The following INTU variants were observed in gnomAD, a reference collection of about 807,000 sequenced individuals.
INTU encodes protein inturned.
Under a neutral mutation model 100.5 loss-of-function variants are expected in INTU, and 68 were observed. That is an observed-to-expected ratio of 0.68 (90% confidence interval 0.56 to 0.83). INTU has a LOEUF of 0.83. Ranked by LOEUF, INTU falls within the 40% of genes least tolerant of loss-of-function variation. INTU has a pLI of 0.00. For synonymous variants in INTU, 357 were observed against 395.7 expected (o/e 0.90, Z 1.16); for missense variants, 1,071 against 1,114.7 (o/e 0.96, Z 0.56).
chr4:127,680,509 G>T (rs1358700678), intron 6 of INTU, among the ~76,000 whole-genome samples: 1 of 117,454 alleles, frequency 8.5e-6, no homozygotes, highest in Non-Finnish European at 1.8e-5. Flanking sequence ...AAAACCACAT[G>T]ATTATCTCAA....
chr4:127,682,988 G>C (rs1457867859), intron 6 of INTU, among the ~76,000 whole-genome samples: 2 of 152,096 alleles, frequency 1.3e-5, no homozygotes, highest in East Asian at 1.9e-4. Context: ...CTGAGCAAAG[G>C]CTGTTCAACC....
intron 2 of INTU, among the ~76,000 whole-genome samples, chr4:127,644,441 A>T (rs576899405): frequency 1.8e-4 from 27 of 152,244 alleles, no homozygotes; most frequent in Non-Finnish European, 3.7e-4. Context: ...TAATTTATGA[A>T]TAAAAATACT....
intron 12 of INTU, among the ~76,000 whole-genome samples, chr4:127,707,645 G>C (rs1362469766): frequency 3.3e-5 from 5 of 149,812 alleles, no homozygotes; most frequent in Admixed American, 6.7e-5. Context: ...TTGTGTGTCT[G>C]TGTGTGTGTG....
intron 2 of INTU, among the ~76,000 whole-genome samples, chr4:127,654,735 C>A (rs1314916794): frequency 6.8e-6 from 1 of 146,484 alleles, no homozygotes; most frequent in African/African-American, 2.6e-5. Context: ...ATCTTTGTGG[C>A]CTTCTCTGTA....
intron 8 of INTU, among the ~76,000 whole-genome samples, chr4:127,696,369 T>G (rs1730383386): frequency 5.3e-5 from 8 of 152,196 alleles, no homozygotes. Context: ...TTGATTCAAT[T>G]TCTTTAATAA....
chr4:127,709,583 T>A (rs972544199), intron 13 of INTU, among the ~76,000 whole-genome samples: 1 of 152,216 alleles, frequency 6.6e-6, no homozygotes, highest in Admixed American at 6.5e-5. Flanking sequence ...TGTGCACTTA[T>A]GTGGTGACAC....
rs758686326 is a variant in INTU at position 127,711,084 on chromosome 4, A to G, written c.2541A>G (p.Gln847=). ...GTCTTTCCATTCGTGCAGTTTTCCAACAGACATTGGTGGAAGAGGTAGGGC... is the reference window on the plus strand; with the variant it reads ...GTCTTTCCATTCGTGCAGTTTTCCAGCAGACATTGGTGGAAGAGGTAGGGC... ...QCCLSIRAVF[Q]QTLVEEKKKG... The change falls in exon 14 of 16, where the codon CAA becomes CAG. Residue 847 remains glutamine (Q), a synonymous_variant. Transcript: ENST00000335251. The G allele has an allele frequency of 2.5e-6, 4 of 1,591,648 alleles. No homozygotes were observed. Among genetic ancestry groups the G allele is most frequent in the East Asian group, 4.5e-5 (2 of 44,370 alleles).
chr4:127,641,409 G>A (rs1361002297), intron 1 of INTU, among the ~76,000 whole-genome samples: 4 of 152,106 alleles, frequency 2.6e-5, no homozygotes, highest in Non-Finnish European at 4.4e-5. Context: ...GTGGTTGTCC[G>A]TCTAGGCCAT....
rs1482944275 is a variant in INTU at position 127,722,991 on chromosome 4, C to T, written c.*6555C>T. ...CCGGAGTATGCAAATACTCCAGTGT[C>T]TCAGTGCCTGCTCAAAGCGGCTGCC... is the stretch of plus-strand genomic sequence containing the variant. On this transcript the variant is annotated 3_prime_UTR_variant, in exon 16 of 16. Transcript: ENST00000335251. 4 of 152,242 alleles carry T rather than the reference C, an allele frequency of 2.6e-5. No homozygotes were observed. Among genetic ancestry groups the T allele is most frequent in the Non-Finnish European group, 5.9e-5 (4 of 68,090 alleles). 9.4% of individuals were successfully genotyped at this position (152,242 alleles called of 1,614,324 possible).
At chr4:127,644,121 G>A (rs1231945117) in intron 2 of INTU, 65 bp downstream of exon 2, 19 of 1,493,332 alleles carry the variant, frequency 1.3e-5, no homozygotes, top group Middle Eastern at 1.8e-4. Flanking sequence ...GACACCTTGC[G>A]GGAAATGTGA....
chr4:127,642,388 C>T (rs1484665324), intron 1 of INTU, among the ~76,000 whole-genome samples: 1 of 152,106 alleles, frequency 6.6e-6, no homozygotes, highest in Non-Finnish European at 1.5e-5. Flanking sequence ...TAATGACCAG[C>T]CACAGACCAG....
rs1157141630 is a variant in INTU at position 127,700,072 on chromosome 4, A to G, written c.1503+9A>G. On this transcript the variant is annotated intron_variant, in intron 9 of 15. Transcript: ENST00000335251. Reference sequence around the variant, plus strand: ...CAGATTTTGCAGAACTGGTAAGGGAAGGAGTGGATTTTATAAAAGGCTCAA... The same window carrying G: ...CAGATTTTGCAGAACTGGTAAGGGAGGGAGTGGATTTTATAAAAGGCTCAA... 1.3e-6 allele frequency: 2 copies of G among 1,598,194 alleles called. No homozygotes were observed. The highest frequency in any genetic ancestry group is 1.7e-6 in the Non-Finnish European group (2 of 1,169,996).
intron 8 of INTU, among the ~76,000 whole-genome samples, chr4:127,688,848 T>C (rs775408069): frequency 6.6e-6 from 1 of 152,114 alleles, no homozygotes; most frequent in Non-Finnish European, 1.5e-5. Flanking sequence ...TAGAGCATGT[T>C]CAAAAGATGC....
intron 2 of INTU, among the ~76,000 whole-genome samples, chr4:127,651,216 A>G (rs1727854942): frequency 2.0e-5 from 3 of 151,982 alleles, no homozygotes; most frequent in Admixed American, 6.5e-5. Context: ...GAAGCTCTTT[A>G]GTTTAATTAG....
chr4:127,676,167 AG>A (rs1729167787), intron 6 of INTU: 1 of 155,960 alleles, frequency 6.4e-6, no homozygotes, highest in Non-Finnish European at 1.4e-5. Context: ...ATACTAGATG[AG>A]GGCACTCTTT....
intron 8 of INTU, among the ~76,000 whole-genome samples, chr4:127,693,193 G>T (rs1374054505): frequency 6.6e-6 from 1 of 152,132 alleles, no homozygotes; most frequent in Non-Finnish European, 1.5e-5. Context: ...TCACAATATT[G>T]ATTCTACCCA....
In INTU at chr4:127,698,429, C is replaced by T. The variant is rs533929241; in HGVS notation, c.1450-1581C>T. Among the ~76,000 whole-genome samples, 7 of 150,556 alleles carry T rather than the reference C, an allele frequency of 4.6e-5. No individual in the cohort carries two copies. In the South Asian group the frequency reaches 1.5e-3, roughly 32 times the overall value. On this transcript the variant is annotated intron_variant, in intron 8 of 15. Transcript: ENST00000335251. ...ATGAGCCAAGATTGTGCCACTGGCA[C>T]TCCAGCCTGAGCAACAGAGGGACAC...
At position 127,684,484 on chromosome 4, in the gene INTU, T is replaced by C. The variant is rs779030746; in HGVS notation, c.1257T>C (p.Asp419=). 2.2e-5 allele frequency: 33 copies of C among 1,494,078 alleles called. No homozygotes were observed. In the South Asian group the frequency reaches 3.2e-4, roughly 15 times the overall value. 92.6% of individuals were successfully genotyped at this position (1,494,078 alleles called of 1,614,324 possible). The change falls in exon 7 of 16, where the codon GAT becomes GAC. Residue 419 remains aspartate (D), a splice_region_variant and synonymous_variant. Transcript: ENST00000335251. ...QTLKFMYGSL[D]SAFCQIENVP... The stretch of plus-strand genomic sequence containing the variant: ...TAAAATTTATGTATGGTTCTTTAGA[T>C]AGGTAAGTACTTCTTCAAATTGAAT...
chr4:127,640,588 T>TATATATATATAC (rs1560825824), intron 1 of INTU, among the ~76,000 whole-genome samples: 2 of 27,776 alleles, frequency 7.2e-5, no homozygotes, highest in Non-Finnish European at 1.5e-4. Flanking sequence ...TATATATATA[T>TATATATATATAC]ATACATATAC....
Sources: allele counts gnomAD v4.1 joint callset (sites outside exome capture counted in the v4.1 genomes callset), GRCh38; gene constraint gnomAD v4.1.1; transcripts MANE v1.5; gene names NCBI Gene and HGNC (gene_info 2026-07-23, HGNC 2026-07-21).